NR0B1: variants seen among roughly 807,000 people sequenced by gnomAD.
NR0B1 encodes the protein nuclear receptor subfamily 0 group B member 1, also known as DSS-AHC critical region on the X chromosome protein 1.
In NR0B1, 3 loss-of-function variants were observed where a neutral mutation model predicts 23.0. That is an observed-to-expected ratio of 0.13 (90% CI 0.06 to 0.34). The LOEUF (loss-of-function observed/expected upper bound fraction) is 0.34, where lower values mean the gene tolerates loss of function less well. NR0B1 is among the 10% of genes least tolerant of loss of function. The pLI, the probability that NR0B1 is intolerant of heterozygous loss-of-function variation, is 1.00. For missense variants in NR0B1, 350 were observed against 402.9 expected (o/e 0.87, Z 1.12); for synonymous variants, 205 against 184.0 (o/e 1.11, Z -0.92).
chrX:30,307,279 C>T (rs1362219393), intron 1 of NR0B1, among the ~76,000 whole-genome samples: 1 of 112,033 alleles, frequency 8.9e-6, no homozygotes, highest in African/African-American at 3.2e-5. Context: ...TCCAGGGAGA[C>T]GTTCCTCCAG....
At chrX:30,306,977 C>T (rs1331563982) in intron 1 of NR0B1, among the ~76,000 whole-genome samples, 1 of 111,153 alleles carries the variant, frequency 9.0e-6, no homozygotes, top group African/African-American at 3.3e-5. Flanking sequence ...AAAAAGGTAA[C>T]ATATAATAGA....
chrX:30,305,770 C>G (rs1926506643), intron 1 of NR0B1: 1 of 461,900 alleles, frequency 2.2e-6, no homozygotes. Flanking sequence ...TTGCAAAGTT[C>G]TTTAACTTGT....
rs767263700 is a variant in NR0B1, at chrX:30,308,371, G to A, written c.993C>T (p.Asn331=). Residue 331 remains asparagine, a synonymous_variant, in exon 1 of 2, where the codon AAC becomes AAT. Transcript: ENST00000378970. ...GCAGCGTGGGCACGGGCAGTGGCTC[G>A]TTGCCCCCGGTCTCCCGCCGCCTGG... ...LTTRRRETGG[N]EPLPVPTLQH... is the part of the protein sequence containing the mutation. 37 of 1,208,392 alleles carry A rather than the reference G, an allele frequency of 3.1e-5. No individual in the cohort carries two copies. The South Asian group carries it at 3.2e-4, about 10-fold the overall frequency.
chrX:30,308,150 C>G, intron 1 of NR0B1, 46 bp downstream of exon 1: 1 of 1,087,994 alleles, frequency 9.2e-7, no homozygotes, highest in Non-Finnish European at 1.3e-6. Context: ...CTGCCCGATG[C>G]TTTTGTGAGC....
intron 1 of NR0B1, among the ~76,000 whole-genome samples, chrX:30,307,202 T>C (rs1366756413): frequency 8.9e-6 from 1 of 111,897 alleles, no homozygotes; most frequent in Non-Finnish European, 1.9e-5. Flanking sequence ...ACTTCAATCA[T>C]TTTGAAAGGA....
intron 1 of NR0B1, 101 bp from the exon 2 acceptor site, chrX:30,304,924 AC>A: frequency 9.7e-7 from 1 of 1,029,554 alleles, no homozygotes; most frequent in South Asian, 2.1e-5. Context: ...ATTAAACAAG[AC>A]CCAAAGCTTC....
chrX:30,309,187 G>C lies in NR0B1; in HGVS notation c.177C>G (p.Asn59Lys), dbSNP rs1196151960. 1 of 1,198,170 alleles carries C rather than the reference G, an allele frequency of 8.3e-7. No individual in the cohort carries two copies. Among genetic ancestry groups the C allele is most frequent in the East Asian group, 3.1e-5 (1 of 32,513 alleles). Residue 59 changes from asparagine (N) to lysine (K), a missense_variant, in exon 1 of 2, where the codon AAC (asparagine) becomes AAG (lysine). Coordinates refer to ENST00000378970, the MANE Select transcript of NR0B1 (RefSeq NM_000475.5). ...VGREGLLGGR[N>K]VALLYRCCFC... ...AGCAGCAGCGGTACAGGAGCGCCAC[G>C]TTCCGCCCGCCCAGCAGCCCCTCTC... is the stretch of plus-strand genomic sequence containing the variant.
chrX:30,309,179 A>G lies in NR0B1; in HGVS notation c.185T>C (p.Leu62Pro). 1 of 1,198,746 alleles carries G rather than the reference A, an allele frequency of 8.3e-7. No individual in the cohort carries two copies. The highest frequency in any genetic ancestry group is 1.1e-6 in the Non-Finnish European group (1 of 890,450). The change falls in exon 1 of 2, where the codon CTC becomes CCC. Residue 62 changes from leucine to proline, a missense_variant. By Grantham distance (98) the Leu-to-Pro change is moderately conservative. Transcript: ENST00000378970. ...EGLLGGRNVALLYRCCFCGKD... is the reference protein window; with the variant it reads ...EGLLGGRNVAPLYRCCFCGKD... ...ACCGCAAAAGCAGCAGCGGTACAGGAGCGCCACGTTCCGCCCGCCCAGCAG... is the reference window on the plus strand; with the variant it reads ...ACCGCAAAAGCAGCAGCGGTACAGGGGCGCCACGTTCCGCCCGCCCAGCAG...
intron 1 of NR0B1, chrX:30,305,557 T>A: frequency 9.3e-6 from 2 of 213,963 alleles, no homozygotes; most frequent in Admixed American, 7.3e-5. Context: ...AAAGTAAACA[T>A]GAAAACATCA....
chrX:30,307,664 A>G (rs1238761991), intron 1 of NR0B1, among the ~76,000 whole-genome samples: 1 of 111,554 alleles, frequency 9.0e-6, no homozygotes, highest in Non-Finnish European at 1.9e-5. Flanking sequence ...AGGCAGGCCC[A>G]TGAAACACTA....
Position 30,309,120 on chromosome X carries a change from T to C in NR0B1, c.244A>G (p.Ser82Gly), listed in dbSNP as rs1282230070. 5.0e-6 allele frequency: 6 copies of C among 1,188,503 alleles called. No homozygotes were observed. The East Asian group carries it at 1.9e-4, about 37-fold the overall frequency. Residue 82 changes from serine to glycine, a missense_variant, in exon 1 of 2, where the codon AGC becomes GGC. Ser to Gly is a moderately conservative substitution (Grantham distance 56). Transcript: ENST00000378970. ...DHPRQGSILY[S>G]MLTSAKQTYA... ...GTTTGCTTTGCGCTCGTCAGCATGC[T>C]GTAGAGGATGCTGCCCTGCCGTGGG...
At chrX:30,306,028 T>G (rs746987003) in intron 1 of NR0B1, among the ~76,000 whole-genome samples, 1 of 111,702 alleles carries the variant, frequency 9.0e-6, no homozygotes, top group African/African-American at 3.2e-5. Context: ...TTTTAATCCA[T>G]ATTCCAGTTC....
chrX:30,308,597 T>C lies in NR0B1; in HGVS notation c.767A>G (p.Glu256Gly). Reference protein sequence around the residue: ...VALKSPQVVCEAASAGLLKTL... With the variant: ...VALKSPQVVCGAASAGLLKTL... Reference sequence around the variant, plus strand: ...CTTCAACAGGCCCGCTGAGGCTGCCTCGCAGACCACCTGTGGACTCTTGAG... The same window carrying C: ...CTTCAACAGGCCCGCTGAGGCTGCCCCGCAGACCACCTGTGGACTCTTGAG... Residue 256 changes from glutamate to glycine, a missense_variant, in exon 1 of 2, where the codon GAG becomes GGG. Around this residue, in one of 2 missense-constraint regions of NR0B1, gnomAD observed 298 missense variants for 314.0 expected, o/e 0.95. Coordinates refer to ENST00000378970, the MANE Select transcript of NR0B1 (RefSeq NM_000475.5). The C allele has an allele frequency of 8.3e-7, 1 of 1,208,601 alleles. No homozygotes were observed. The highest frequency in any genetic ancestry group is 1.7e-5 in the African/African-American group (1 of 57,886).
intron 1 of NR0B1, 35 bp from the exon 2 acceptor site, chrX:30,304,858 C>A (rs1926492658): frequency 8.3e-7 from 1 of 1,202,313 alleles, no homozygotes; most frequent in African/African-American, 1.8e-5. Flanking sequence ...TATAAAACAG[C>A]TCACCACAGA....
At chrX:30,308,048 A>T in intron 1 of NR0B1, 148 bp downstream of exon 1, 1 of 515,040 alleles carries the variant, frequency 1.9e-6, no homozygotes. Context: ...CCCCACCCCA[A>T]CTCTGCTGAG....
intron 1 of NR0B1, among the ~76,000 whole-genome samples, chrX:30,305,227 T>G (rs897439963): frequency 8.9e-6 from 1 of 112,669 alleles, no homozygotes; most frequent in African/African-American, 3.2e-5. Context: ...AGTGTTGCCA[T>G]GAGACAAATG....
At position 30,308,763 on chromosome X, in the gene NR0B1, A is replaced by C; in HGVS notation, c.601T>G (p.Phe201Val). 2.5e-6 allele frequency: 3 copies of C among 1,196,476 alleles called. No individual in the cohort carries two copies. Among genetic ancestry groups the C allele is most frequent in the Non-Finnish European group, 3.4e-6 (3 of 888,158 alleles). The change falls in exon 1 of 2, where the codon TTT becomes GTT. Residue 201 changes from phenylalanine to valine, a missense_variant. This residue lies in a region of NR0B1 where 298 missense variants were observed against 314.0 expected (regional missense o/e 0.95). Coordinates refer to ENST00000378970, the MANE Select transcript of NR0B1 (RefSeq NM_000475.5). ...TGCTGCGGGTGGTCTTCACCGCAAAAGCAGCAGCGGTACAGAAGCGCCGTG... is the reference window on the plus strand; with the variant it reads ...TGCTGCGGGTGGTCTTCACCGCAAACGCAGCAGCGGTACAGAAGCGCCGTG... ...RATALLYRCCFCGEDHPQQGS... is the reference protein window; with the variant it reads ...RATALLYRCCVCGEDHPQQGS...
At chrX:30,304,852 A>G in intron 1 of NR0B1, 29 bp from the exon 2 acceptor site, 1 of 1,206,399 alleles carries the variant, frequency 8.3e-7, no homozygotes, top group Non-Finnish European at 1.1e-6. Flanking sequence ...CTTTGTTATA[A>G]AACAGCTCAC....
At chrX:30,307,403 C>T (rs781160654) in intron 1 of NR0B1, among the ~76,000 whole-genome samples, 3 of 67,357 alleles carry the variant, frequency 4.5e-5, no homozygotes, top group African/African-American at 2.3e-4. Flanking sequence ...GGTGCCACAA[C>T]ACACCAACCA....
Sources: gnomAD v4.1 joint callset for allele counts (sites outside exome capture counted in the v4.1 genomes callset) on GRCh38, gnomAD v4.1.1 for gene constraint, gnomAD v4.1.1 regional missense constraint, MANE v1.5 for transcripts, NCBI Gene and HGNC (gene_info 2026-07-23, HGNC 2026-07-21) for gene names.